CNTN4: variants seen among roughly 807,000 people sequenced by gnomAD.
CNTN4 encodes contactin 4, also known as contactin-4.
CNTN4 carries 77 observed loss-of-function variants against 122.5 expected under a neutral mutation model. The observed-to-expected ratio is 0.63, with a 90% CI of 0.52 to 0.76. CNTN4 has a LOEUF of 0.76. Ranked by LOEUF, CNTN4 falls within the 30% of genes least tolerant of loss-of-function variation. CNTN4 has a pLI of 0.00. For synonymous variants in CNTN4, 512 were observed against 447.0 expected, an observed-to-expected ratio of 1.15 and a Z score of -1.83; for missense variants, 1,256 against 1,259.1, an observed-to-expected ratio of 1.00 and a Z score of 0.04.
intron 2 of CNTN4, among the ~76,000 whole-genome samples, chr3:2,126,233 A>C (rs1414749348): frequency 1.3e-5 from 2 of 152,164 alleles, no homozygotes; most frequent in Non-Finnish European, 2.9e-5. Context: ...GGAAATTAAA[A>C]AATAAATCTC....
At chr3:2,817,361 A>C (rs1288788430) in intron 6 of CNTN4, among the ~76,000 whole-genome samples, 4 of 152,134 alleles carry the variant, frequency 2.6e-5, no homozygotes, top group Non-Finnish European at 4.4e-5. Context: ...GATGGTTTTC[A>C]AACTCAGATC....
At chr3:2,278,680 A>T (rs149867201) in intron 2 of CNTN4, among the ~76,000 whole-genome samples, 8 of 152,302 alleles carry the variant, frequency 5.3e-5, no homozygotes, top group Non-Finnish European at 1.2e-4. Flanking sequence ...AATAGACAAG[A>T]TGCTTTTGAA....
chr3:2,555,776 G>C (rs2078695660), intron 3 of CNTN4, among the ~76,000 whole-genome samples: 1 of 152,206 alleles, frequency 6.6e-6, no homozygotes, highest in Non-Finnish European at 1.5e-5. Flanking sequence ...TACTGACTTT[G>C]TGAAAGTATG....
At position 2,900,708 on chromosome 3, in the gene CNTN4, A is replaced by C. The variant is rs1553686132; in HGVS notation, c.964A>C (p.Ile322Leu). ...AGCTCAACCTAATTGGATTCAAAAA[A>C]TAAATGATATTCACGTGGCCATGGA... ...FYAQPNWIQK[I>L]NDIHVAMEEN... The change falls in exon 11 of 25, where the codon ATA becomes CTA. Residue 322 changes from isoleucine (I) to leucine (L), a missense_variant. By Grantham distance (5) the Ile-to-Leu change is conservative. Transcript: ENST00000418658. The C allele has an allele frequency of 3.7e-6, 6 of 1,613,862 alleles. 1 individual carries two copies. The highest frequency in any genetic ancestry group is 2.2e-5 in the East Asian group (1 of 44,868).
intron 14 of CNTN4, among the ~76,000 whole-genome samples, chr3:3,014,700 T>G (rs1162176199): frequency 6.6e-6 from 1 of 151,734 alleles, no homozygotes. Context: ...TCTCTTGGCT[T>G]TAACATTCTT....
intron 3 of CNTN4, among the ~76,000 whole-genome samples, chr3:2,567,260 C>G (rs904985229): frequency 6.6e-6 from 1 of 151,782 alleles, no homozygotes; most frequent in African/African-American, 2.4e-5. Flanking sequence ...CTAATTTTTT[C>G]TATTTTTAGT....
intron 3 of CNTN4, among the ~76,000 whole-genome samples, chr3:2,462,040 A>G (rs927660779): frequency 6.6e-6 from 1 of 152,148 alleles, no homozygotes; most frequent in Non-Finnish European, 1.5e-5. Flanking sequence ...CCTTTATATA[A>G]TCTAGTGGAC....
At chr3:2,299,957 G>A (rs141766272) in intron 2 of CNTN4, among the ~76,000 whole-genome samples, 304 of 152,038 alleles carry the variant, frequency 2.0e-3, no homozygotes, top group African/African-American at 7.0e-3. Context: ...TGTTTGTCAG[G>A]GTCATATTTT....
intron 3 of CNTN4, among the ~76,000 whole-genome samples, chr3:2,455,846 T>A (rs1239638231): frequency 6.6e-6 from 1 of 152,078 alleles, no homozygotes. Flanking sequence ...TTAACTGTTG[T>A]ATTAGTGGAG....
intron 2 of CNTN4, among the ~76,000 whole-genome samples, chr3:2,317,458 G>C (rs1263606873): frequency 1.3e-5 from 2 of 152,188 alleles, no homozygotes; most frequent in Non-Finnish European, 2.9e-5. Context: ...CCCAGAGTGA[G>C]TTCTAAGCAA....
At chr3:2,867,002 G>T (rs1236368468) in intron 8 of CNTN4, 53 bp downstream of exon 8, 6 of 1,475,250 alleles carry the variant, frequency 4.1e-6, no homozygotes, top group Non-Finnish European at 4.7e-6. Flanking sequence ...CAGGATGAAT[G>T]TGGAGGTATG....
intron 6 of CNTN4, among the ~76,000 whole-genome samples, chr3:2,808,949 C>T (rs1012886777): frequency 1.1e-4 from 16 of 152,326 alleles, no homozygotes; most frequent in African/African-American, 3.6e-4. Flanking sequence ...ACAGGTCTCA[C>T]CAACCACCAC....
intron 3 of CNTN4, among the ~76,000 whole-genome samples, chr3:2,499,224 G>C (rs1056059084): frequency 6.6e-6 from 1 of 152,158 alleles, no homozygotes; most frequent in Admixed American, 6.5e-5. Flanking sequence ...TGCTTGTAGT[G>C]TGAGATTTAG....
At chr3:2,359,345 T>A (rs62244049) in intron 3 of CNTN4, among the ~76,000 whole-genome samples, 18,962 of 152,190 alleles carry the variant, frequency 0.12, 1,476 homozygotes, top group Non-Finnish European at 0.17. Flanking sequence ...TAGTGTATAA[T>A]ACTCCAGTGT....
intron 13 of CNTN4, among the ~76,000 whole-genome samples, chr3:2,972,567 A>G (rs928564730): frequency 6.6e-6 from 1 of 152,128 alleles, no homozygotes; most frequent in Admixed American, 6.5e-5. Flanking sequence ...GTTGTAGCAC[A>G]TTTTGTTTGT....
At chr3:2,191,731 CACAT>C (rs1395003326) in intron 2 of CNTN4, among the ~76,000 whole-genome samples, 1 of 144,872 alleles carries the variant, frequency 6.9e-6, no homozygotes, top group African/African-American at 2.6e-5. Flanking sequence ...CACATACACA[CACAT>C]ATATATTTAT....
chr3:2,286,805 A>T (rs753498915), intron 2 of CNTN4, among the ~76,000 whole-genome samples: 3 of 152,180 alleles, frequency 2.0e-5, no homozygotes, highest in Non-Finnish European at 4.4e-5. Context: ...GGACATGGTT[A>T]ATCATAGTGT....
Position 2,411,873 on chromosome 3 carries a change from G to A in CNTN4, c.-89+72640G>A, listed in dbSNP as rs181912856. 5.9e-5 allele frequency among the ~76,000 whole-genome samples: 9 copies of A among 152,044 alleles called. No homozygotes were observed. The East Asian group carries it at 1.4e-3, about 23-fold the overall frequency. On this transcript the variant is annotated intron_variant, in intron 3 of 24. Coordinates refer to ENST00000418658, the MANE Select transcript of CNTN4 (RefSeq NM_175607.3). ...ATGTAAAAAACCCCTTAAATATTAC[G>A]TTTCATCTATTGCTCCATATATGTA...
chr3:2,389,264 GGCT>G (rs1194018354), intron 3 of CNTN4, among the ~76,000 whole-genome samples: 1 of 109,186 alleles, frequency 9.2e-6, no homozygotes, highest in Non-Finnish European at 2.2e-5. Context: ...ATCTTCACGT[GGCT>G]GCAGCCTTCT....
Sources: gnomAD v4.1 joint callset for allele counts (sites outside exome capture counted in the v4.1 genomes callset) on GRCh38, gnomAD v4.1.1 for gene constraint, MANE v1.5 for transcripts, NCBI Gene and HGNC (gene_info 2026-07-23, HGNC 2026-07-21) for gene names.